The following HS3ST3A1 variants were observed in gnomAD, a reference collection of about 807,000 sequenced individuals.
The protein encoded by HS3ST3A1 is heparan sulfate-glucosamine 3-sulfotransferase 3A1.
Under a neutral mutation model 25.7 loss-of-function variants are expected in HS3ST3A1, and 19 were observed. The ratio of observed to expected loss-of-function variants is 0.74; its 90% CI spans 0.52 to 1.08. The LOEUF (loss-of-function observed/expected upper bound fraction) is 1.08, where lower values mean the gene tolerates loss of function less well. Ranked by LOEUF, HS3ST3A1 falls within the 50% of genes least tolerant of loss-of-function variation. The pLI, the probability that HS3ST3A1 is intolerant of heterozygous loss-of-function variation, is 0.00. For synonymous variants in HS3ST3A1, 226 were observed against 278.6 expected (o/e 0.81, Z 1.88); for missense variants, 459 against 594.3 (o/e 0.77, Z 2.37).
chr17:13,547,262 A>C (rs959419295), intron 1 of HS3ST3A1, among the ~76,000 whole-genome samples: 3 of 152,214 alleles, frequency 2.0e-5, no homozygotes, highest in Non-Finnish European at 4.4e-5. Context: ...CAGCTCCTAA[A>C]GCCCTTGGAA....
At chr17:13,562,970 T>C (rs1408878452) in intron 1 of HS3ST3A1, among the ~76,000 whole-genome samples, 1 of 151,938 alleles carries the variant, frequency 6.6e-6, no homozygotes. Context: ...AGCCAGCTGT[T>C]TGCTCATTTC....
chr17:13,573,844 G>C (rs1351147015), intron 1 of HS3ST3A1, among the ~76,000 whole-genome samples: 3 of 152,162 alleles, frequency 2.0e-5, no homozygotes, highest in Non-Finnish European at 4.4e-5. Flanking sequence ...GGAGTTACGG[G>C]CACAGGGGAG....
intron 1 of HS3ST3A1, among the ~76,000 whole-genome samples, chr17:13,529,115 T>C (rs1567615276): frequency 6.6e-6 from 1 of 152,166 alleles, no homozygotes; most frequent in East Asian, 1.9e-4. Context: ...AGCATAGTAT[T>C]TTTGACAGCC....
Position 13,600,729 on chromosome 17 carries a change from G to T in HS3ST3A1, c.401C>A (p.Ala134Asp). 1.9e-6 allele frequency: 3 copies of T among 1,541,150 alleles called. No homozygotes were observed. Among genetic ancestry groups the T allele is most frequent in the Admixed American group, 1.9e-5 (1 of 52,558 alleles). ...PGGSGAGSTV[A>D]EAPPGTLALL... ...CGCCAGGGTCCCCGGCGGGGCCTCG[G>T]CCACGGTGCTTCCGGCCCCGGAGCC... Residue 134 changes from alanine (A) to aspartate (D), a missense_variant, in exon 1 of 2, where the codon GCC becomes GAC. Around this residue, in one of 3 missense-constraint regions of HS3ST3A1, gnomAD observed 346 missense variants for 303.9 expected, o/e 1.14. Coordinates refer to ENST00000284110, the MANE Select transcript of HS3ST3A1 (RefSeq NM_006042.3).
chr17:13,523,582 A>T (rs898144518), intron 1 of HS3ST3A1, among the ~76,000 whole-genome samples: 1 of 152,150 alleles, frequency 6.6e-6, no homozygotes, highest in African/African-American at 2.4e-5. Context: ...TTTCCATAGA[A>T]TTTGTGCCCT....
intron 1 of HS3ST3A1, among the ~76,000 whole-genome samples, chr17:13,590,231 G>T (rs759733259): frequency 1.3e-5 from 2 of 151,022 alleles, no homozygotes; most frequent in Non-Finnish European, 2.9e-5. Flanking sequence ...TCAAAATATT[G>T]TGGAAAACAT....
chr17:13,527,272 A>G (rs1906461735), intron 1 of HS3ST3A1, among the ~76,000 whole-genome samples: 1 of 152,170 alleles, frequency 6.6e-6, no homozygotes, highest in Non-Finnish European at 1.5e-5. Flanking sequence ...TATCCACAAA[A>G]TGATCCTTTA....
chr17:13,534,023 TC>T (rs1906692834), intron 1 of HS3ST3A1, among the ~76,000 whole-genome samples: 1 of 152,150 alleles, frequency 6.6e-6, no homozygotes. Context: ...CCCGAAGCAA[TC>T]ACAGGCATTA....
chr17:13,600,470 C>T (rs1567634712), intron 1 of HS3ST3A1, 61 bp downstream of exon 1: 7 of 1,487,120 alleles, frequency 4.7e-6, no homozygotes, highest in Non-Finnish European at 6.2e-6. Context: ...GGCTCCTCCA[C>T]GTCTTTCCCA....
chr17:13,555,390 A>G (rs1907345623), intron 1 of HS3ST3A1, among the ~76,000 whole-genome samples: 1 of 152,186 alleles, frequency 6.6e-6, no homozygotes, highest in African/African-American at 2.4e-5. Flanking sequence ...CAACTTGGCA[A>G]TGGGGAGACA....
intron 1 of HS3ST3A1, among the ~76,000 whole-genome samples, chr17:13,529,275 G>A (rs1045084683): frequency 1.3e-5 from 2 of 151,928 alleles, no homozygotes; most frequent in South Asian, 2.1e-4. Flanking sequence ...TCATCTCTAG[G>A]CCCATGTTTT....
chr17:13,521,544 G>A (rs560771719), intron 1 of HS3ST3A1, among the ~76,000 whole-genome samples: 10 of 152,266 alleles, frequency 6.6e-5, no homozygotes, highest in East Asian at 1.9e-4. Flanking sequence ...TGATGAATCC[G>A]CTTTCATGGA....
intron 1 of HS3ST3A1, among the ~76,000 whole-genome samples, chr17:13,560,324 A>G (rs1348752142): frequency 7.3e-6 from 1 of 136,116 alleles, no homozygotes; most frequent in African/African-American, 2.8e-5. Flanking sequence ...AAAAAAGTGT[A>G]TTACCTACAT....
intron 1 of HS3ST3A1, among the ~76,000 whole-genome samples, chr17:13,590,800 A>G (rs1375528691): frequency 6.6e-6 from 1 of 152,184 alleles, no homozygotes; most frequent in Non-Finnish European, 1.5e-5. Flanking sequence ...GGGTATTAAC[A>G]TATCTGAAGA....
chr17:13,546,517 C>T (rs1419853877), intron 1 of HS3ST3A1, among the ~76,000 whole-genome samples: 1 of 152,190 alleles, frequency 6.6e-6, no homozygotes, highest in Non-Finnish European at 1.5e-5. Flanking sequence ...CTACCCGCCT[C>T]GGCCTCCCAA....
chr17:13,563,204 G>A (rs1042290305), intron 1 of HS3ST3A1, among the ~76,000 whole-genome samples: 4 of 151,908 alleles, frequency 2.6e-5, no homozygotes, highest in African/African-American at 9.7e-5. Flanking sequence ...CCTCTGAAAT[G>A]TTCGCCAGAA....
At chr17:13,543,482 A>G (rs1447590543) in intron 1 of HS3ST3A1, 2 of 168,048 alleles carry the variant, frequency 1.2e-5, no homozygotes, top group Admixed American at 6.5e-5. Flanking sequence ...ATTTGGAATC[A>G]GTCTGAAGAA....
At chr17:13,565,246 A>G (rs1200803838) in intron 1 of HS3ST3A1, among the ~76,000 whole-genome samples, 2 of 152,148 alleles carry the variant, frequency 1.3e-5, no homozygotes, top group African/African-American at 4.8e-5. Context: ...CAAGGGTTTA[A>G]AAAGCTTGAG....
At chr17:13,539,130 G>T (rs9908274) in intron 1 of HS3ST3A1, among the ~76,000 whole-genome samples, 5 of 152,002 alleles carry the variant, frequency 3.3e-5, no homozygotes, top group African/African-American at 4.8e-5. Context: ...TCCTCAGCAG[G>T]GTTGTTGAAT....
Sources: gnomAD v4.1 joint callset for allele counts (sites outside exome capture counted in the v4.1 genomes callset) on GRCh38, gnomAD v4.1.1 for gene constraint, gnomAD v4.1.1 regional missense constraint, MANE v1.5 for transcripts, NCBI Gene and HGNC (gene_info 2026-07-23, HGNC 2026-07-21) for gene names.